Variants in SLC27A6 observed in about 807,000 individuals in gnomAD.
The protein encoded by SLC27A6 is long-chain fatty acid transport protein 6.
In SLC27A6, 74 loss-of-function variants were observed where a neutral mutation model predicts 63.9. The observed-to-expected ratio is 1.16, with a 90% CI of 0.96 to 1.40. The LOEUF is 1.40. Ranked by LOEUF, SLC27A6 falls within the 40% of genes most tolerant of loss-of-function variation. The pLI is 0.00. For synonymous variants in SLC27A6, 287 were observed against 260.8 expected, an observed-to-expected ratio of 1.10 and a Z score of -0.97; for missense variants, 794 against 732.9, an observed-to-expected ratio of 1.08 and a Z score of -0.96.
At chr5:129,008,142 A>G (rs956363106) in intron 4 of SLC27A6, among the ~76,000 whole-genome samples, 1 of 152,242 alleles carries the variant, frequency 6.6e-6, no homozygotes, top group Admixed American at 6.5e-5. Context: ...AGAAATACAC[A>G]TTTTCTTTTC....
chr5:129,003,570 C>T lies in SLC27A6; in HGVS notation c.970-12315C>T, dbSNP rs570332846. ...CCTTAGCAGTAGGCCAGTGCAGTAG[C>T]TCATGCCGATAATCCCAGCACTTTG... On this transcript the variant is annotated intron_variant, in intron 4 of 9. Coordinates refer to ENST00000262462, the MANE Select transcript of SLC27A6 (RefSeq NM_001017372.3). Among the ~76,000 whole-genome samples the T allele has an allele frequency of 1.8e-3, 271 of 152,278 alleles. 2 individuals carry two copies. Among genetic ancestry groups the T allele is most frequent in the Non-Finnish European group, 1.8e-3 (125 of 68,016 alleles).
intron 4 of SLC27A6, among the ~76,000 whole-genome samples, chr5:129,009,655 CA>C (rs1751659346): frequency 1.4e-5 from 2 of 141,706 alleles, no homozygotes; most frequent in African/African-American, 5.3e-5. Flanking sequence ...AACTCCCCAT[CA>C]TAGCTAACAT....
chr5:128,966,871 G>A (rs553273855), intron 1 of SLC27A6, among the ~76,000 whole-genome samples: 1 of 152,190 alleles, frequency 6.6e-6, no homozygotes, highest in South Asian at 2.1e-4. Context: ...TACTGCTATT[G>A]GTTCCTTCAG....
chr5:128,988,726 C>G lies in SLC27A6; in HGVS notation c.812C>G (p.Ala271Gly). 1 of 1,613,234 alleles carries G rather than the reference C, an allele frequency of 6.2e-7. No individual in the cohort carries two copies. Among genetic ancestry groups the G allele is most frequent in the East Asian group, 2.2e-5 (1 of 44,860 alleles). ...ITLPLYHSSA[A>G]ILGISGCVEL... ...CTTCCTCTGTATCATAGTTCAGCAG[C>G]TATCCTGGGAATTTCTGGATGTGTT... is the stretch of plus-strand genomic sequence containing the variant. Residue 271 changes from alanine (A) to glycine (G), a missense_variant, in exon 3 of 10, where the codon GCT becomes GGT. Ala to Gly is a moderately conservative substitution (Grantham distance 60, BLOSUM62 0). Coordinates refer to ENST00000262462, the MANE Select transcript of SLC27A6 (RefSeq NM_001017372.3).
Position 129,029,601 on chromosome 5 carries a change from C to T in SLC27A6, c.1577C>T (p.Ala526Val), listed in dbSNP as rs540493947. The change falls in exon 9 of 10, where the codon GCT (alanine) becomes GTT (valine). Residue 526 changes from alanine (A) to valine (V), a missense_variant. By Grantham distance (64) the Ala-to-Val change is moderately conservative. Transcript: ENST00000262462. ...GGTTATGAAGGAAGAGCAGGAATGG[C>T]TTCTATTATTTTAAAACCAAATACA... ...ISGYEGRAGM[A>V]SIILKPNTSL... The T allele has an allele frequency of 1.9e-6, 3 of 1,584,214 alleles. No homozygotes were observed. Among genetic ancestry groups the T allele is most frequent in the African/African-American group, 2.7e-5 (2 of 72,978 alleles).
intron 3 of SLC27A6, among the ~76,000 whole-genome samples, chr5:128,989,828 G>A (rs1184179355): frequency 6.6e-6 from 1 of 151,002 alleles, no homozygotes. Context: ...GGAGGCTGAG[G>A]CAGGAGAATA....
Position 129,011,257 on chromosome 5 carries a change from A to G in SLC27A6, c.970-4628A>G, listed in dbSNP as rs190920891. Reference sequence around the variant, plus strand: ...GCAGCAGTAATAGGCACTCCTGCCCATGGTCTATGACAGTCCCATTTGTTC... The same window carrying G: ...GCAGCAGTAATAGGCACTCCTGCCCGTGGTCTATGACAGTCCCATTTGTTC... On this transcript the variant is annotated intron_variant, in intron 4 of 9. Transcript: ENST00000262462. Among the ~76,000 whole-genome samples the G allele has an allele frequency of 2.7e-3, 409 of 152,326 alleles. 3 individuals carry two copies. The highest frequency in any genetic ancestry group is 9.6e-3 in the African/African-American group (397 of 41,570).
At chr5:128,972,322 G>A (rs1056431070) in intron 1 of SLC27A6, among the ~76,000 whole-genome samples, 1 of 152,198 alleles carries the variant, frequency 6.6e-6, no homozygotes, top group Middle Eastern at 3.2e-3. Context: ...TTGCTAGGTA[G>A]GGTAAGTTCT....
chr5:128,973,752 C>G (rs917477235), intron 1 of SLC27A6, among the ~76,000 whole-genome samples: 1 of 152,230 alleles, frequency 6.6e-6, no homozygotes, highest in Non-Finnish European at 1.5e-5. Flanking sequence ...CCCTGTCCTA[C>G]TTTGCTCACA....
intron 1 of SLC27A6, among the ~76,000 whole-genome samples, chr5:128,971,712 A>C (rs1250251868): frequency 1.3e-5 from 2 of 151,808 alleles, no homozygotes; most frequent in Non-Finnish European, 2.9e-5. Context: ...TTGACTCTTT[A>C]TCCAATTTGC....
chr5:129,014,512 T>G (rs888298266), intron 4 of SLC27A6, among the ~76,000 whole-genome samples: 1 of 152,194 alleles, frequency 6.6e-6, no homozygotes, highest in Non-Finnish European at 1.5e-5. Flanking sequence ...ATGACCTGGG[T>G]GCCTTTCTTC....
Position 128,992,778 on chromosome 5 carries a change from A to G in SLC27A6, c.969+2314A>G, listed in dbSNP as rs934085585. 7.9e-5 allele frequency among the ~76,000 whole-genome samples: 12 copies of G among 152,306 alleles called. No homozygotes were observed. In the South Asian group the frequency reaches 2.5e-3, roughly 32 times the overall value. On this transcript the variant is annotated intron_variant, in intron 4 of 9. Coordinates refer to ENST00000262462, the MANE Select transcript of SLC27A6 (RefSeq NM_001017372.3). Reference sequence around the variant, plus strand: ...TTAATTTAGGGAATTAATGCCCTCCAGTAAGATTAAGGTCACCTTCAGTTG... The same window carrying G: ...TTAATTTAGGGAATTAATGCCCTCCGGTAAGATTAAGGTCACCTTCAGTTG...
intron 1 of SLC27A6, among the ~76,000 whole-genome samples, chr5:128,971,415 G>T (rs1750156386): frequency 6.6e-6 from 1 of 152,010 alleles, no homozygotes; most frequent in South Asian, 2.1e-4. Flanking sequence ...AGTTCTCTAA[G>T]GACTTGCTTT....
chr5:129,016,137 A>C, intron 5 of SLC27A6, 58 bp downstream of exon 5: 1 of 1,286,308 alleles, frequency 7.8e-7, no homozygotes, highest in Non-Finnish European at 1.1e-6. Context: ...TCATACCTGT[A>C]ATCCCAACAC....
At chr5:128,997,668 C>G (rs1198729052) in intron 4 of SLC27A6, among the ~76,000 whole-genome samples, 6 of 152,164 alleles carry the variant, frequency 3.9e-5, no homozygotes, top group Non-Finnish European at 7.4e-5. Context: ...CTTTTTCTAT[C>G]TGTCCTTTAT....
intron 5 of SLC27A6, among the ~76,000 whole-genome samples, chr5:129,023,333 T>C (rs1484368231): frequency 6.6e-6 from 1 of 152,160 alleles, no homozygotes; most frequent in Non-Finnish European, 1.5e-5. Flanking sequence ...GCCTGGATTG[T>C]TTCAGTATCT....
intron 7 of SLC27A6, 118 bp from the exon 8 acceptor site, chr5:129,028,227 A>G (rs1752306958): frequency 3.2e-6 from 2 of 629,914 alleles, no homozygotes; most frequent in Non-Finnish European, 5.6e-6. Flanking sequence ...TGAAAACTAC[A>G]ATTATGTTGG....
intron 4 of SLC27A6, among the ~76,000 whole-genome samples, chr5:129,010,303 C>A (rs910567418): frequency 1.1e-4 from 17 of 152,064 alleles, no homozygotes; most frequent in Admixed American, 3.3e-4. Context: ...ATACAAATTA[C>A]AAATTAAAAA....
At chr5:128,982,898 A>C (rs1054803630) in intron 1 of SLC27A6, among the ~76,000 whole-genome samples, 1 of 152,236 alleles carries the variant, frequency 6.6e-6, no homozygotes, top group South Asian at 2.1e-4. Context: ...TTTCCACCGC[A>C]TATCAACTTC....
Sources: gnomAD v4.1 joint callset for allele counts (sites outside exome capture counted in the v4.1 genomes callset) on GRCh38, gnomAD v4.1.1 for gene constraint, MANE v1.5 for transcripts, NCBI Gene and HGNC (gene_info 2026-07-23, HGNC 2026-07-21) for gene names.